IPO7: variants seen among roughly 807,000 people sequenced by gnomAD.
The protein encoded by IPO7 is importin 7, also known as importin-7.
A neutral mutation model predicts 136.4 loss-of-function variants in IPO7; 13 were observed. The ratio of observed to expected loss-of-function variants is 0.10; its 90% confidence interval spans 0.06 to 0.15. IPO7 has a LOEUF of 0.15. Ranked by LOEUF, IPO7 falls within the 10% of genes least tolerant of loss-of-function variation. The probability of loss-of-function intolerance (pLI) is 1.00; values close to 1 mark genes in which losing one functional copy is unlikely to be tolerated. For missense variants in IPO7, 857 were observed against 1,240.6 expected, an observed-to-expected ratio of 0.69 and a Z score of 4.65; for synonymous variants, 403 against 404.4, an observed-to-expected ratio of 1.00 and a Z score of 0.04.
intron 18 of IPO7, 50 bp downstream of exon 18, chr11:9,433,896 A>G: frequency 1.4e-6 from 2 of 1,446,286 alleles, no homozygotes; most frequent in South Asian, 1.2e-5. Flanking sequence ...GCTTTGATTT[A>G]TTTGTAGCTT....
chr11:9,399,575 G>C (rs1854764859), intron 1 of IPO7, among the ~76,000 whole-genome samples: 2 of 152,200 alleles, frequency 1.3e-5, no homozygotes, highest in Admixed American at 6.5e-5. Flanking sequence ...GAGGTTGGGA[G>C]AAATGGTGCA....
intron 22 of IPO7, among the ~76,000 whole-genome samples, chr11:9,439,014 CT>C (rs1855423574): frequency 1.3e-5 from 2 of 152,016 alleles, no homozygotes; most frequent in Admixed American, 6.6e-5. Context: ...TGGCATGAGC[CT>C]ATAGTCCCAG....
intron 1 of IPO7, among the ~76,000 whole-genome samples, chr11:9,386,003 CA>C (rs1375162002): frequency 3.9e-5 from 6 of 152,112 alleles, no homozygotes; most frequent in African/African-American, 1.4e-4. Flanking sequence ...AATAGAAATT[CA>C]ACTATTTTAT....
At chr11:9,432,036 A>G (rs1427606379) in intron 16 of IPO7, among the ~76,000 whole-genome samples, 3 of 152,092 alleles carry the variant, frequency 2.0e-5, no homozygotes, top group Non-Finnish European at 4.4e-5. Context: ...CCCTCAGGGG[A>G]CCACTTCCTA....
At chr11:9,394,770 G>A (rs1017057303) in intron 1 of IPO7, among the ~76,000 whole-genome samples, 2 of 152,062 alleles carry the variant, frequency 1.3e-5, no homozygotes, top group African/African-American at 2.4e-5. Flanking sequence ...TTTCTCCATA[G>A]TGTCTGGCGC....
intron 19 of IPO7, 126 bp downstream of exon 19, chr11:9,435,157 C>A: frequency 1.6e-6 from 1 of 641,686 alleles, no homozygotes; most frequent in Non-Finnish European, 2.7e-6. Context: ...GAATTAAGGG[C>A]TTTAAAAGTT....
chr11:9,438,074 T>TGGA lies in IPO7; in HGVS notation c.2490-6_2490-5insGGA. On this transcript the variant is annotated splice_region_variant and splice_polypyrimidine_tract_variant and intron_variant, in intron 21 of 24. Coordinates refer to ENST00000379719, the MANE Select transcript of IPO7 (RefSeq NM_006391.3). ...TTTTTTTTTTTTTTTTTTTTTTTTT[T>TGGA]TTTAGGCTTCATGACAGAAAGATGT... 7.7e-7 allele frequency: 1 copy of TGGA among 1,297,398 alleles called. No individual in the cohort carries two copies. The highest frequency in any genetic ancestry group is 1.1e-6 in the Non-Finnish European group (1 of 942,146). 80.4% of individuals were successfully genotyped at this position (1,297,398 alleles called of 1,614,324 possible).
rs372792672 is a variant in IPO7, at chr11:9,425,086, A to G, written c.1219-60A>G. 28 of 1,309,560 alleles carry G rather than the reference A, an allele frequency of 2.1e-5. No individual in the cohort carries two copies. The East Asian group carries it at 4.8e-4, about 23-fold the overall frequency. The allele number at this position is 1,309,560 out of a possible 1,614,324, so 81.1% of individuals were successfully genotyped here. A position where few individuals can be genotyped will look rare whatever the true frequency, so the allele number is the denominator to read the frequency against. ...TGTTAGTCATGTGAGTCATTTTGTT[A>G]GTATGTTTTTTAAGGACTGTTGGCC... On this transcript the variant is annotated intron_variant, in intron 11 of 24. Transcript: ENST00000379719.
In IPO7 at chr11:9,413,170, G is replaced by A. The variant is rs542654128; in HGVS notation, c.480-1085G>A. Among the ~76,000 whole-genome samples, 5 of 152,064 alleles carry A rather than the reference G, an allele frequency of 3.3e-5. No homozygotes were observed. The South Asian group carries it at 8.3e-4, about 25-fold the overall frequency. ...TAGGATTAGAGGCGTGAGCCACCGC[G>A]CCCGGCCCCCAACAGACTTTTTAAC... is the stretch of plus-strand genomic sequence containing the variant. On this transcript the variant is annotated intron_variant, in intron 4 of 24. Coordinates refer to ENST00000379719, the MANE Select transcript of IPO7 (RefSeq NM_006391.3).
At chr11:9,434,842 A>T in intron 18 of IPO7, 92 bp from the exon 19 acceptor site, 1 of 826,732 alleles carries the variant, frequency 1.2e-6, no homozygotes. Context: ...AAATGATCTC[A>T]TAGATTTGCC....
chr11:9,407,092 CAT>C (rs1362403152), intron 2 of IPO7, among the ~76,000 whole-genome samples: 1 of 152,150 alleles, frequency 6.6e-6, no homozygotes, highest in East Asian at 1.9e-4. Flanking sequence ...ATCACATAAG[CAT>C]ATATTCCATT....
Position 9,420,697 on chromosome 11 carries a change from A to C in IPO7, c.905A>C (p.Gln302Pro). ...FLKAFAVGVQ[Q>P]VLLKVLYQYK... is the part of the protein sequence containing the mutation. ...AAGGCATTTGCTGTTGGTGTCCAGC[A>C]AGTAAGTCTGTTTTTAGTTTTTCTC... is the stretch of plus-strand genomic sequence containing the variant. The change falls in exon 8 of 25, where the codon CAA becomes CCA. Residue 302 changes from glutamine to proline, a missense_variant and splice_region_variant. By Grantham distance (76) the Gln-to-Pro change is moderately conservative (BLOSUM62 -1). Around this residue, in one of 11 missense-constraint regions of IPO7, gnomAD observed 287 missense variants for 307.5 expected, o/e 0.93. Coordinates refer to ENST00000379719, the MANE Select transcript of IPO7 (RefSeq NM_006391.3). 1 of 1,602,314 alleles carries C rather than the reference A, an allele frequency of 6.2e-7. No individual in the cohort carries two copies. The highest frequency in any genetic ancestry group is 8.5e-7 in the Non-Finnish European group (1 of 1,169,648).
chr11:9,421,813 G>A (rs993917236), intron 8 of IPO7, among the ~76,000 whole-genome samples: 4 of 150,888 alleles, frequency 2.7e-5, no homozygotes, highest in South Asian at 2.1e-4. Context: ...GCGTGGTGGC[G>A]GGCGCCTGTA....
intron 23 of IPO7, among the ~76,000 whole-genome samples, chr11:9,441,055 G>A (rs1855454284): frequency 1.3e-5 from 2 of 152,140 alleles, no homozygotes; most frequent in South Asian, 4.1e-4. Context: ...CGTGTTAAGA[G>A]TATATTAGCA....
intron 16 of IPO7, among the ~76,000 whole-genome samples, chr11:9,432,967 C>T (rs1465323643): frequency 6.9e-6 from 1 of 145,028 alleles, no homozygotes; most frequent in African/African-American, 2.5e-5. Flanking sequence ...TTGCACATAA[C>T]AGATGGGCTA....
At position 9,441,103 on chromosome 11, in the gene IPO7, A is replaced by G. The variant is rs568531678; in HGVS notation, c.2902+442A>G. The stretch of plus-strand genomic sequence containing the variant: ...GATCTTATAATTCTTTTTTTCCTAT[A>G]TTCTGTGATGTGTTAACTAATTTAA... On this transcript the variant is annotated intron_variant, in intron 23 of 24. Coordinates refer to ENST00000379719, the MANE Select transcript of IPO7 (RefSeq NM_006391.3). Among the ~76,000 whole-genome samples the G allele has an allele frequency of 5.9e-5, 9 of 152,274 alleles. 1 individual carries two copies. In the South Asian group the frequency reaches 1.2e-3, roughly 21 times the overall value.
intron 24 of IPO7, among the ~76,000 whole-genome samples, chr11:9,444,895 A>G (rs1855507706): frequency 6.6e-6 from 1 of 151,988 alleles, no homozygotes; most frequent in Non-Finnish European, 1.5e-5. Context: ...ATTGGCTAAG[A>G]AGTCTACAGC....
rs761588709 is a variant in IPO7 at position 9,423,043 on chromosome 11, A to G, written c.944A>G (p.Gln315Arg). The G allele has an allele frequency of 9.4e-6, 15 of 1,602,466 alleles. No homozygotes were observed. The highest frequency in any genetic ancestry group is 1.3e-5 in the Non-Finnish European group (15 of 1,172,410). Residue 315 changes from glutamine to arginine, a missense_variant, in exon 9 of 25, where the codon CAA (glutamine) becomes CGA (arginine). Around this residue, in one of 11 missense-constraint regions of IPO7, gnomAD observed 287 missense variants for 307.5 expected, o/e 0.93. Coordinates refer to ENST00000379719, the MANE Select transcript of IPO7 (RefSeq NM_006391.3). ...GTGTTATATCAGTACAAGGAGAAGC[A>G]ATATATGGCTCCTCGAGTTTTACAA... is the stretch of plus-strand genomic sequence containing the variant. ...LKVLYQYKEK[Q>R]YMAPRVLQQT...
At chr11:9,431,493 C>T (rs1465631977) in intron 16 of IPO7, among the ~76,000 whole-genome samples, 4 of 149,664 alleles carry the variant, frequency 2.7e-5, no homozygotes, top group Non-Finnish European at 5.9e-5. Context: ...TGGAGTCTCA[C>T]TCTGTCACCC....
Sources: allele counts gnomAD v4.1 joint callset (sites outside exome capture counted in the v4.1 genomes callset), GRCh38; gene constraint gnomAD v4.1.1; regional missense constraint gnomAD v4.1.1; transcripts MANE v1.5; gene names NCBI Gene and HGNC (gene_info 2026-07-23, HGNC 2026-07-21).